The following MBOAT2 variants were observed in gnomAD, a reference collection of about 807,000 sequenced individuals.
The protein encoded by MBOAT2 is membrane bound glycerophospholipid O-acyltransferase 2, also known as membrane-bound glycerophospholipid O-acyltransferase 2.
MBOAT2 carries 28 observed loss-of-function variants against 63.4 expected under a neutral mutation model. The observed-to-expected ratio is 0.44, with a 90% confidence interval of 0.33 to 0.61. The LOEUF is 0.61. Ranked by LOEUF, MBOAT2 falls within the 20% of genes least tolerant of loss-of-function variation. The pLI, the probability that MBOAT2 is intolerant of heterozygous loss-of-function variation, is 0.03. For synonymous variants in MBOAT2, 211 were observed against 215.6 expected (o/e 0.98, Z 0.19); for missense variants, 470 against 605.8 (o/e 0.78, Z 2.35).
intron 3 of MBOAT2, among the ~76,000 whole-genome samples, chr2:8,912,127 C>T (rs1665750576): frequency 6.6e-6 from 1 of 151,680 alleles, no homozygotes; most frequent in South Asian, 2.1e-4. Context: ...AACCCACAGC[C>T]AACATAATAC....
chr2:8,999,092 C>G (rs1672508966), intron 1 of MBOAT2, among the ~76,000 whole-genome samples: 1 of 152,170 alleles, frequency 6.6e-6, no homozygotes, highest in Non-Finnish European at 1.5e-5. Flanking sequence ...TCCTCCTTCC[C>G]CTTCCCCGTC....
Position 8,855,963 on chromosome 2 carries a change from G to A in MBOAT2, c.*2716C>T, listed in dbSNP as rs1284529424. On this transcript the variant is annotated 3_prime_UTR_variant, in exon 13 of 13. Coordinates refer to ENST00000305997, the MANE Select transcript of MBOAT2 (RefSeq NM_138799.4). ...CAACGAATCCCCTTTCTATTTAACA[G>A]GAGTAGACGTACCAGTTTAAAATTC... 1.3e-5 allele frequency: 2 copies of A among 151,362 alleles called. No homozygotes were observed. Among genetic ancestry groups the A allele is most frequent in the Non-Finnish European group, 2.9e-5 (2 of 67,996 alleles). 9.4% of individuals were successfully genotyped at this position (151,362 alleles called of 1,614,324 possible). A position where few individuals can be genotyped will look rare whatever the true frequency, so the allele number is the denominator to read the frequency against.
intron 3 of MBOAT2, among the ~76,000 whole-genome samples, chr2:8,933,670 G>T (rs924232963): frequency 2.0e-5 from 3 of 152,106 alleles, no homozygotes; most frequent in African/African-American, 7.2e-5. Context: ...TGATTAATTT[G>T]GGGCATTAAC....
chr2:8,926,296 CT>C (rs1165266977), intron 3 of MBOAT2, among the ~76,000 whole-genome samples: 1 of 152,108 alleles, frequency 6.6e-6, no homozygotes, highest in Non-Finnish European at 1.5e-5. Flanking sequence ...ACACTGACCA[CT>C]TGAAGTGTTA....
chr2:8,910,239 G>A (rs1031881343), intron 3 of MBOAT2, among the ~76,000 whole-genome samples: 1 of 151,878 alleles, frequency 6.6e-6, no homozygotes, highest in African/African-American at 2.4e-5. Context: ...TTGGGTGTAG[G>A]TCCTAATCAA....
At chr2:8,957,284 T>C (rs549328913) in intron 2 of MBOAT2, among the ~76,000 whole-genome samples, 1 of 152,278 alleles carries the variant, frequency 6.6e-6, no homozygotes, top group South Asian at 2.1e-4. Context: ...AAAGTTTAAA[T>C]AGTATCACCT....
chr2:8,941,039 T>C (rs1668015648), intron 3 of MBOAT2, among the ~76,000 whole-genome samples: 1 of 152,006 alleles, frequency 6.6e-6, no homozygotes, highest in African/African-American at 2.4e-5. Context: ...ATTAAACATT[T>C]TTAATTATTA....
intron 8 of MBOAT2, among the ~76,000 whole-genome samples, chr2:8,872,557 T>C (rs1662401514): frequency 6.6e-6 from 1 of 152,164 alleles, no homozygotes; most frequent in African/African-American, 2.4e-5. Flanking sequence ...GCAGGGATTA[T>C]AGGGGTGAGC....
At chr2:8,887,939 A>C in intron 5 of MBOAT2, 79 bp downstream of exon 5, 1 of 1,297,996 alleles carries the variant, frequency 7.7e-7, no homozygotes, top group Non-Finnish European at 1.1e-6. Context: ...TAATAGCAGA[A>C]AGTTATGGCA....
At chr2:8,875,082 C>T (rs1662610612) in intron 7 of MBOAT2, among the ~76,000 whole-genome samples, 1 of 152,136 alleles carries the variant, frequency 6.6e-6, no homozygotes, top group South Asian at 2.1e-4. Flanking sequence ...CATATCCTAA[C>T]TGATGCAGAT....
At chr2:8,915,978 T>C (rs1261556737) in intron 3 of MBOAT2, among the ~76,000 whole-genome samples, 1 of 152,182 alleles carries the variant, frequency 6.6e-6, no homozygotes, top group Non-Finnish European at 1.5e-5. Flanking sequence ...GACTGGTTTA[T>C]GGGAGGCAGA....
At chr2:8,948,145 C>T (rs933988047) in intron 2 of MBOAT2, among the ~76,000 whole-genome samples, 3 of 152,074 alleles carry the variant, frequency 2.0e-5, no homozygotes, top group African/African-American at 7.2e-5. Context: ...GAAATAACTC[C>T]AGATGTGGTG....
chr2:8,912,163 C>T (rs117711378), intron 3 of MBOAT2, among the ~76,000 whole-genome samples: 296 of 151,922 alleles, frequency 1.9e-3, no homozygotes, highest in Admixed American at 0.013. Context: ...TGAAAGCATT[C>T]TCACTGAGAA....
intron 7 of MBOAT2, among the ~76,000 whole-genome samples, chr2:8,874,692 C>A (rs918751362): frequency 1.3e-5 from 2 of 152,124 alleles, no homozygotes; most frequent in African/African-American, 2.4e-5. Context: ...ACTGGAGAAT[C>A]CTTCACCCAA....
At position 8,937,404 on chromosome 2, in the gene MBOAT2, G is replaced by A. The variant is rs147913405; in HGVS notation, c.299+5783C>T. ...CTGACTATATTCAGAAAACAAAACAGGCACAGCATAATGGCCATCACAGAA... is the reference window on the plus strand; with the variant it reads ...CTGACTATATTCAGAAAACAAAACAAGCACAGCATAATGGCCATCACAGAA... On this transcript the variant is annotated intron_variant, in intron 3 of 12. Coordinates refer to ENST00000305997, the MANE Select transcript of MBOAT2 (RefSeq NM_138799.4). 2.8e-3 allele frequency among the ~76,000 whole-genome samples: 429 copies of A among 152,290 alleles called. 2 individuals carry two copies. Among genetic ancestry groups the A allele is most frequent in the Non-Finnish European group, 4.8e-3 (326 of 68,034 alleles).
At chr2:8,956,739 T>C (rs568629199) in intron 2 of MBOAT2, among the ~76,000 whole-genome samples, 2 of 152,180 alleles carry the variant, frequency 1.3e-5, no homozygotes, top group Admixed American at 6.5e-5. Flanking sequence ...CACATATAAT[T>C]TGAAGTACTT....
intron 2 of MBOAT2, among the ~76,000 whole-genome samples, chr2:8,957,482 C>G (rs1253240740): frequency 1.3e-5 from 2 of 152,158 alleles, no homozygotes; most frequent in African/African-American, 4.8e-5. Flanking sequence ...TCATGAGTTT[C>G]TAGGAAACAC....
At chr2:8,927,882 A>G (rs536157512) in intron 3 of MBOAT2, among the ~76,000 whole-genome samples, 1 of 152,278 alleles carries the variant, frequency 6.6e-6, no homozygotes, top group South Asian at 2.1e-4. Context: ...AGTAATTTAC[A>G]AAGAAAAGAG....
chr2:8,890,375 T>C (rs988565154), intron 4 of MBOAT2, among the ~76,000 whole-genome samples: 1 of 152,188 alleles, frequency 6.6e-6, no homozygotes, highest in Non-Finnish European at 1.5e-5. Flanking sequence ...TTCACATTCA[T>C]AGTTGTTTTT....
Sources: allele counts gnomAD v4.1 joint callset (sites outside exome capture counted in the v4.1 genomes callset), GRCh38; gene constraint gnomAD v4.1.1; transcripts MANE v1.5; gene names NCBI Gene and HGNC (gene_info 2026-07-23, HGNC 2026-07-21).